Variants in IMPG2 observed in about 807,000 individuals in gnomAD.
The protein encoded by IMPG2 is interphotoreceptor matrix proteoglycan 2.
Under a neutral mutation model 129.2 loss-of-function variants are expected in IMPG2, and 91 were observed. That is an observed-to-expected ratio of 0.70 (90% CI 0.59 to 0.84). IMPG2 has a LOEUF of 0.84. Among genes scored for constraint, IMPG2 ranks in the 40% least tolerant of loss-of-function variants. The pLI, the probability that IMPG2 is intolerant of heterozygous loss-of-function variation, is 0.00. For synonymous variants in IMPG2, 510 were observed against 517.7 expected, an observed-to-expected ratio of 0.99 and a Z score of 0.20; for missense variants, 1,430 against 1,461.7, an observed-to-expected ratio of 0.98 and a Z score of 0.35.
chr3:101,301,753 G>T (rs757587728), intron 3 of IMPG2, among the ~76,000 whole-genome samples: 11 of 152,102 alleles, frequency 7.2e-5, no homozygotes, highest in Non-Finnish European at 1.3e-4. Context: ...CTATCTCATG[G>T]TCTGGTTGGT....
At chr3:101,320,147 G>C in intron 1 of IMPG2, 141 bp downstream of exon 1, 1 of 679,448 alleles carries the variant, frequency 1.5e-6, no homozygotes, top group Non-Finnish European at 2.5e-6. Flanking sequence ...ATTTTAAAAC[G>C]GTTTAAATGA....
chr3:101,236,373 G>A (rs1251517951), intron 14 of IMPG2, among the ~76,000 whole-genome samples: 1 of 152,326 alleles, frequency 6.6e-6, no homozygotes, highest in South Asian at 2.1e-4. Context: ...GCTGACATGT[G>A]AGTTACATAC....
Position 101,243,986 on chromosome 3 carries a change from C to G in IMPG2, c.2345G>C (p.Arg782Thr). Residue 782 changes from arginine (R) to threonine (T), a missense_variant, in exon 13 of 19, where the codon AGA becomes ACA. Transcript: ENST00000193391. Reference sequence around the variant, plus strand: ...TAGGGAAGAAGTTCTTGTCCAAACTCTCTCTGATTCTGGCAATATAGTCCA... The same window carrying G: ...TAGGGAAGAAGTTCTTGTCCAAACTGTCTCTGATTCTGGCAATATAGTCCA... The part of the protein sequence containing the change: ...TLWTILPESE[R>T]VWTRTSSLEK... 6.2e-7 allele frequency: 1 copy of G among 1,614,188 alleles called. No individual in the cohort carries two copies. The highest frequency in any genetic ancestry group is 1.6e-4 in the Middle Eastern group (1 of 6,062).
intron 3 of IMPG2, among the ~76,000 whole-genome samples, chr3:101,295,813 CT>C (rs1181611455): frequency 6.6e-6 from 1 of 152,012 alleles, no homozygotes; most frequent in Non-Finnish European, 1.5e-5. Context: ...GTATTTTATT[CT>C]TTTTGTAGCA....
chr3:101,315,803 A>G (rs2058781527), intron 2 of IMPG2, among the ~76,000 whole-genome samples: 1 of 152,100 alleles, frequency 6.6e-6, no homozygotes, highest in Non-Finnish European at 1.5e-5. Flanking sequence ...TAATATTTAT[A>G]TGGAATATAA....
Position 101,244,238 on chromosome 3 carries a change from G to A in IMPG2, c.2093C>T (p.Ala698Val), listed in dbSNP as rs767082811. Reference sequence around the variant, plus strand: ...TATGTGCTTGGGGAGGGTTAGAGACGCAGATTCAGCTGCAGTATCTGCGAA... The same window carrying A: ...TATGTGCTTGGGGAGGGTTAGAGACACAGATTCAGCTGCAGTATCTGCGAA... Reference protein sequence around the residue: ...PIFADTAAESASLTLPKHISE... With the variant: ...PIFADTAAESVSLTLPKHISE... The change falls in exon 13 of 19, where the codon GCG becomes GTG. Residue 698 changes from alanine to valine, a missense_variant. Transcript: ENST00000193391. 3.5e-5 allele frequency: 56 copies of A among 1,613,828 alleles called. No individual in the cohort carries two copies. The highest frequency in any genetic ancestry group is 4.1e-5 in the Non-Finnish European group (48 of 1,180,002).
intron 18 of IMPG2, chr3:101,227,683 A>C: frequency 2.4e-6 from 1 of 410,238 alleles, no homozygotes; most frequent in Non-Finnish European, 4.9e-6. Flanking sequence ...ACGCCTGGTG[A>C]TATTGCTCTG....
At position 101,270,330 on chromosome 3, in the gene IMPG2, C is replaced by T. The variant is rs184102548; in HGVS notation, c.829-757G>A. Among the ~76,000 whole-genome samples the T allele has an allele frequency of 2.3e-3, 356 of 152,216 alleles. 4 individuals carry two copies. Among genetic ancestry groups the T allele is most frequent in the African/African-American group, 8.3e-3 (346 of 41,530 alleles). ...TAAGTGTGAAAGTGGCTGCTGGCAT[C>T]TTTTTCCTGCTCCTACAACGAAAGA... On this transcript the variant is annotated intron_variant, in intron 7 of 18. Coordinates refer to ENST00000193391, the MANE Select transcript of IMPG2 (RefSeq NM_016247.4).
At position 101,243,682 on chromosome 3, in the gene IMPG2, G is replaced by A; in HGVS notation, c.2649C>T (p.Pro883=). ...HSTEMVSVAW[P]TEGGDDLSYT... is the part of the protein sequence containing the mutation. The stretch of plus-strand genomic sequence containing the variant: ...AACTCAAGTCATCTCCTCCTTCTGT[G>A]GGCCAAGCCACACTAACCATCTCTG... Residue 883 remains proline (P), a synonymous_variant, in exon 13 of 19, where the codon CCC becomes CCT. Transcript: ENST00000193391. The A allele has an allele frequency of 1.2e-6, 2 of 1,614,006 alleles. No individual in the cohort carries two copies. The highest frequency in any genetic ancestry group is 1.7e-6 in the Non-Finnish European group (2 of 1,180,002).
At chr3:101,249,204 C>T (rs13089177) in intron 11 of IMPG2, among the ~76,000 whole-genome samples, 51,515 of 151,976 alleles carry the variant, frequency 0.34, 11,079 homozygotes, top group Non-Finnish European at 0.48. Context: ...TTTTTTTGCT[C>T]CTTTAACCCT....
At chr3:101,253,220 GT>G (rs2107229373) in intron 11 of IMPG2, among the ~76,000 whole-genome samples, 1 of 152,230 alleles carries the variant, frequency 6.6e-6, no homozygotes, top group South Asian at 2.1e-4. Context: ...CCTGTCATCT[GT>G]CAGCTAGTGG....
intron 14 of IMPG2, among the ~76,000 whole-genome samples, chr3:101,233,292 C>G (rs111483393): frequency 0.011 from 1,669 of 152,314 alleles, 33 homozygotes; most frequent in African/African-American, 0.038. Flanking sequence ...CATGTAATTG[C>G]AGATCTAAGT....
chr3:101,282,411 AT>A (rs1188501015), intron 4 of IMPG2, among the ~76,000 whole-genome samples: 1 of 152,014 alleles, frequency 6.6e-6, no homozygotes, highest in Non-Finnish European at 1.5e-5. Context: ...CAGAATACAA[AT>A]TTTTAAATTT....
intron 14 of IMPG2, among the ~76,000 whole-genome samples, chr3:101,233,643 T>C (rs1706314903): frequency 6.6e-6 from 1 of 152,218 alleles, no homozygotes; most frequent in Non-Finnish European, 1.5e-5. Flanking sequence ...AAAATGACTA[T>C]TTTTAAAAAT....
chr3:101,297,855 C>G (rs1707096923), intron 3 of IMPG2, among the ~76,000 whole-genome samples: 1 of 152,208 alleles, frequency 6.6e-6, no homozygotes, highest in South Asian at 2.1e-4. Flanking sequence ...CCATGTGGCA[C>G]TAAGAAGAAT....
At chr3:101,270,772 C>A (rs1706774340) in intron 7 of IMPG2, among the ~76,000 whole-genome samples, 1 of 152,034 alleles carries the variant, frequency 6.6e-6, no homozygotes, top group Non-Finnish European at 1.5e-5. Context: ...TGCACTCCAG[C>A]CTGGGCGACA....
intron 14 of IMPG2, among the ~76,000 whole-genome samples, chr3:101,241,313 A>G (rs1428287428): frequency 6.6e-6 from 1 of 152,224 alleles, no homozygotes; most frequent in African/African-American, 2.4e-5. Context: ...ATTTGAACTG[A>G]GGCACATGGG....
chr3:101,285,972 T>C (rs1706941925), intron 4 of IMPG2, among the ~76,000 whole-genome samples: 1 of 152,142 alleles, frequency 6.6e-6, no homozygotes, highest in Non-Finnish European at 1.5e-5. Context: ...AACTGATTTT[T>C]TAATCTCTGA....
At chr3:101,295,981 T>A (rs1707075547) in intron 3 of IMPG2, among the ~76,000 whole-genome samples, 1 of 152,234 alleles carries the variant, frequency 6.6e-6, no homozygotes, top group Admixed American at 6.5e-5. Context: ...TGGGGTTTTC[T>A]AAACATAGAA....
Sources: allele counts gnomAD v4.1 joint callset (sites outside exome capture counted in the v4.1 genomes callset), GRCh38; gene constraint gnomAD v4.1.1; transcripts MANE v1.5; gene names NCBI Gene and HGNC (gene_info 2026-07-23, HGNC 2026-07-21).